RPUSD3: variants seen among roughly 807,000 people sequenced by gnomAD.
The protein encoded by RPUSD3 is mitochondrial mRNA pseudouridine synthase RPUSD3.
RPUSD3 carries 36 observed loss-of-function variants against 35.1 expected under a neutral mutation model. The observed-to-expected ratio is 1.02, with a 90% CI of 0.79 to 1.35. RPUSD3 has a LOEUF of 1.35. Among genes scored for constraint, RPUSD3 ranks in the 40% most tolerant of loss-of-function variants. The pLI, the probability that RPUSD3 is intolerant of heterozygous loss-of-function variation, is 0.00. For synonymous variants in RPUSD3, 202 were observed against 187.8 expected (o/e 1.08, Z -0.62); for missense variants, 486 against 441.9 (o/e 1.10, Z -0.89).
chr3:9,843,790 C>T (rs767716070), intron 1 of RPUSD3, 100 bp downstream of exon 1: 3 of 1,548,442 alleles, frequency 1.9e-6, no homozygotes, highest in Non-Finnish European at 2.6e-6. Context: ...GAGAGGCCAA[C>T]GGGGCTGTTT....
At chr3:9,840,491 A>G (rs1447239802) in intron 6 of RPUSD3, 41 bp downstream of exon 6, 6 of 1,591,280 alleles carry the variant, frequency 3.8e-6, no homozygotes, top group East Asian at 2.2e-5. Flanking sequence ...TAGGGGTACT[A>G]TATCTAGAAG....
exon 5 of RPUSD3, chr3:9,840,797 G>C: frequency 6.2e-7 from 1 of 1,612,826 alleles, no homozygotes; most frequent in Non-Finnish European, 8.5e-7. Context: ...TACAAGCCCA[G>C]AGCTTTCTCT....
chr3:9,842,276 G>C (rs2082115951), intron 2 of RPUSD3, 33 bp from the exon 3 acceptor site: 1 of 1,611,788 alleles, frequency 6.2e-7, no homozygotes, highest in African/African-American at 1.3e-5. Context: ...ATCAGCAAAA[G>C]CAACGGTAAC....
intron 6 of RPUSD3, 110 bp downstream of exon 6, chr3:9,840,422 C>A (rs771549455): frequency 3.3e-5 from 53 of 1,605,594 alleles, no homozygotes; most frequent in African/African-American, 5.4e-5. Context: ...TGGTCACTTG[C>A]CTGTTTTAGG....
exon 9 of RPUSD3, chr3:9,838,022 T>C (rs2125021202): frequency 1.9e-6 from 3 of 1,566,286 alleles, no homozygotes; most frequent in Non-Finnish European, 2.6e-6. Flanking sequence ...AGGACTATTG[T>C]AAGCGGAGCC....
chr3:9,837,982 A>AGT (rs1559233319), exon 9 of RPUSD3: 1 of 1,517,850 alleles, frequency 6.6e-7, no homozygotes, highest in Admixed American at 2.1e-5. Flanking sequence ...CTCACTTTCC[A>AGT]GTGTGTGTGA....
chr3:9,839,360 A>G, intron 7 of RPUSD3, 189 bp from the exon 8 acceptor site: 1 of 580,892 alleles, frequency 1.7e-6, no homozygotes, highest in South Asian at 2.5e-5. Flanking sequence ...CACAGCTATC[A>G]ATCTGCCTGG....
chr3:9,841,995 C>G (rs149627688), exon 4 of RPUSD3: 61 of 1,613,854 alleles, frequency 3.8e-5, no homozygotes, highest in Non-Finnish European at 5.0e-5. Flanking sequence ...CCCAGATGCT[C>G]GGACAACCTG....
At chr3:9,841,778 T>G (rs1575430829) in intron 4 of RPUSD3, 2 of 494,668 alleles carry the variant, frequency 4.0e-6, no homozygotes, top group Non-Finnish European at 3.6e-6. Flanking sequence ...GTCAGGGAGG[T>G]GTCATGCTTT....
intron 8 of RPUSD3, 107 bp from the exon 9 acceptor site, chr3:9,838,314 T>C: frequency 2.9e-6 from 3 of 1,046,170 alleles, no homozygotes; most frequent in Non-Finnish European, 4.3e-6. Context: ...CATTCCCCAC[T>C]GTTCTGCAAC....
chr3:9,840,454 C>G (rs750304481), intron 6 of RPUSD3, 78 bp downstream of exon 6: 10 of 1,595,248 alleles, frequency 6.3e-6, no homozygotes, highest in Non-Finnish European at 7.7e-6. Context: ...CCAGCCATCC[C>G]AAATCCATAC....
intron 8 of RPUSD3, among the ~76,000 whole-genome samples, chr3:9,838,478 G>A (rs2082057097): frequency 6.6e-6 from 1 of 152,192 alleles, no homozygotes; most frequent in Non-Finnish European, 1.5e-5. Flanking sequence ...TGAGACGTGA[G>A]TGAGCTCTAG....
chr3:9,838,939 G>C (rs1433266887), intron 8 of RPUSD3, 93 bp downstream of exon 8: 1 of 1,576,234 alleles, frequency 6.3e-7, no homozygotes, highest in South Asian at 1.1e-5. Flanking sequence ...CCTCCCAGTA[G>C]TCCCAAGCTG....
chr3:9,839,886 GTTT>G (rs113216240), intron 7 of RPUSD3: 11 of 190,424 alleles, frequency 5.8e-5, no homozygotes, highest in South Asian at 1.8e-4. Flanking sequence ...CTCAAGTGCA[GTTT>G]TTTTTTTTTT....
At chr3:9,839,083 G>A (rs1559234205) in exon 8 of RPUSD3, 1 of 1,614,238 alleles carries the variant, frequency 6.2e-7, no homozygotes, top group Admixed American at 1.7e-5. Context: ...GCTGGCCCAG[G>A]ACAGTGCCCA....
At chr3:9,839,094 C>T in exon 8 of RPUSD3, 1 of 1,614,210 alleles carries the variant, frequency 6.2e-7, no homozygotes, top group Non-Finnish European at 8.5e-7. Flanking sequence ...ACAGTGCCCA[C>T]ACGGGCAGAG....
At chr3:9,842,891 T>C (rs564663909) in intron 2 of RPUSD3, 1 of 153,712 alleles carries the variant, frequency 6.5e-6, no homozygotes, top group African/African-American at 2.4e-5. Context: ...ATAATCATTA[T>C]TTATTTATTT....
At chr3:9,838,013 G>T (rs758374874) in exon 9 of RPUSD3, 7 of 1,558,260 alleles carry the variant, frequency 4.5e-6, no homozygotes, top group Admixed American at 2.0e-5. Flanking sequence ...AACAGAGGGA[G>T]GACTATTGTA....
At chr3:9,841,480 T>C (rs1451860093) in intron 4 of RPUSD3, 1 of 114,122 alleles carries the variant, frequency 8.8e-6, no homozygotes, top group Non-Finnish European at 1.7e-5. Flanking sequence ...GCTAGGTTTT[T>C]GTGTGTGTGT....
Sources: gnomAD v4.1 joint callset for allele counts (sites outside exome capture counted in the v4.1 genomes callset) on GRCh38, gnomAD v4.1.1 for gene constraint, MANE v1.5 for transcripts, NCBI Gene and HGNC (gene_info 2026-07-23, HGNC 2026-07-21) for gene names.